Variants in ITPR2 observed in about 807,000 individuals in gnomAD.
The protein encoded by ITPR2 is inositol 1,4,5-trisphosphate-gated calcium channel ITPR2.
In ITPR2, 207 loss-of-function variants were observed where a neutral mutation model predicts 317.1. The observed-to-expected ratio is 0.65, with a 90% confidence interval of 0.58 to 0.73. The LOEUF (loss-of-function observed/expected upper bound fraction) is 0.73. Ranked by LOEUF, ITPR2 falls within the 30% of genes least tolerant of loss-of-function variation. ITPR2 has a pLI of 0.00. For missense variants in ITPR2, 2,613 were observed against 3,284.0 expected (o/e 0.80, Z 4.99); for synonymous variants, 1,156 against 1,149.1 (o/e 1.01, Z -0.12).
At chr12:26,732,586 G>A (rs1949044720) in intron 2 of ITPR2, among the ~76,000 whole-genome samples, 1 of 152,142 alleles carries the variant, frequency 6.6e-6, no homozygotes, top group Admixed American at 6.5e-5. Context: ...AGACTCTCAA[G>A]AGTTAGCCAG....
chr12:26,393,455 T>C (rs949957129), intron 54 of ITPR2, among the ~76,000 whole-genome samples: 1 of 152,228 alleles, frequency 6.6e-6, no homozygotes, highest in African/African-American at 2.4e-5. Context: ...CTTATGTGTT[T>C]CTGCTCAAGG....
At chr12:26,454,500 C>T (rs146230348) in intron 45 of ITPR2, among the ~76,000 whole-genome samples, 6 of 152,262 alleles carry the variant, frequency 3.9e-5, no homozygotes, top group South Asian at 2.1e-4. Context: ...GCCACCATGC[C>T]GGGCCAGAAA....
intron 2 of ITPR2, among the ~76,000 whole-genome samples, chr12:26,762,788 AAT>A (rs1264033349): frequency 6.6e-6 from 1 of 152,112 alleles, no homozygotes; most frequent in African/African-American, 2.4e-5. Context: ...ACAATATATA[AAT>A]ATATATAAAT....
chr12:26,476,980 T>C lies in ITPR2; in HGVS notation c.6151A>G (p.Ile2051Val), dbSNP rs934005376. 5 of 1,613,368 alleles carry C rather than the reference T, an allele frequency of 3.1e-6. No individual in the cohort carries two copies. The highest frequency in any genetic ancestry group is 2.2e-5 in the East Asian group (1 of 44,852). The change falls in exon 44 of 57, where the codon ATT (isoleucine) becomes GTT (valine). Residue 2051 changes from isoleucine to valine, a missense_variant. This residue lies in a region of ITPR2 where 926 missense variants were observed against 1,072.8 expected (regional missense o/e 0.86). Coordinates refer to ENST00000381340, the MANE Select transcript of ITPR2 (RefSeq NM_002223.4). ...KNNASKLLLA[I>V]MESRHDSENA... ...TCACTGTCATGTCTGCTTTCCATAA[T>C]GGCCAGCAAAAGTTTAGATGCATTG...
chr12:26,556,565 TTTGTG>T (rs1360836478), intron 35 of ITPR2, among the ~76,000 whole-genome samples, 190 bp from the exon 36 acceptor site: 11 of 105,300 alleles, frequency 1.0e-4, no homozygotes, highest in East Asian at 6.5e-4. Context: ...TATTTTTTTT[TTTGTG>T]TGTGTGTGTG....
intron 2 of ITPR2, among the ~76,000 whole-genome samples, chr12:26,768,876 A>C (rs551635283): frequency 6.6e-6 from 1 of 152,168 alleles, no homozygotes; most frequent in Non-Finnish European, 1.5e-5. Flanking sequence ...ATGCTAGTAA[A>C]AACCATTTTT....
chr12:26,705,756 G>A (rs1948539230), intron 9 of ITPR2, among the ~76,000 whole-genome samples: 1 of 152,016 alleles, frequency 6.6e-6, no homozygotes, highest in African/African-American at 2.4e-5. Flanking sequence ...ACACCTGACG[G>A]CTTACCACTG....
chr12:26,492,674 G>A (rs1942835377), intron 39 of ITPR2, among the ~76,000 whole-genome samples: 1 of 152,162 alleles, frequency 6.6e-6, no homozygotes, highest in Non-Finnish European at 1.5e-5. Flanking sequence ...TGAAGTCATA[G>A]ACGTAGACAG....
intron 2 of ITPR2, among the ~76,000 whole-genome samples, chr12:26,744,749 C>T (rs978455795): frequency 1.3e-5 from 2 of 152,160 alleles, no homozygotes; most frequent in Admixed American, 1.3e-4. Flanking sequence ...ACAGTCATAG[C>T]AGCCTGTAAT....
At chr12:26,449,079 C>G (rs1004705305) in intron 45 of ITPR2, among the ~76,000 whole-genome samples, 7 of 152,002 alleles carry the variant, frequency 4.6e-5, no homozygotes, top group African/African-American at 1.7e-4. Flanking sequence ...AAAAAAAAAT[C>G]AAGAAACTAT....
chr12:26,446,248 C>T (rs1358767649), intron 45 of ITPR2, among the ~76,000 whole-genome samples: 1 of 151,958 alleles, frequency 6.6e-6, no homozygotes, highest in African/African-American at 2.4e-5. Flanking sequence ...ATGTTATGGT[C>T]AAAGGGAGGC....
At chr12:26,771,498 T>C (rs1215358649) in intron 2 of ITPR2, among the ~76,000 whole-genome samples, 1 of 152,094 alleles carries the variant, frequency 6.6e-6, no homozygotes, top group Non-Finnish European at 1.5e-5. Flanking sequence ...TGTTTTTTGT[T>C]GTTGTTATTA....
intron 42 of ITPR2, among the ~76,000 whole-genome samples, chr12:26,482,342 A>C (rs1411968278): frequency 2.6e-5 from 4 of 152,192 alleles, no homozygotes; most frequent in African/African-American, 9.7e-5. Context: ...ATGTTATTTG[A>C]AAATTAGCTT....
chr12:26,381,871 T>C (rs1939519816), intron 55 of ITPR2, among the ~76,000 whole-genome samples: 1 of 152,212 alleles, frequency 6.6e-6, no homozygotes, highest in South Asian at 2.1e-4. Flanking sequence ...TACAGACCTC[T>C]GGTTTGGATC....
intron 1 of ITPR2, among the ~76,000 whole-genome samples, chr12:26,807,831 A>G (rs905856575): frequency 2.0e-5 from 3 of 152,158 alleles, no homozygotes; most frequent in African/African-American, 7.2e-5. Flanking sequence ...TATCAGTTAC[A>G]GTTTAGTCTT....
At chr12:26,602,132 G>T (rs1484862133) in intron 28 of ITPR2, among the ~76,000 whole-genome samples, 1 of 151,972 alleles carries the variant, frequency 6.6e-6, no homozygotes, top group African/African-American at 2.4e-5. Context: ...AGCGTGTAGG[G>T]ACTAGGTGGC....
At chr12:26,743,608 C>T (rs886176503) in intron 2 of ITPR2, among the ~76,000 whole-genome samples, 2 of 152,082 alleles carry the variant, frequency 1.3e-5, no homozygotes, top group African/African-American at 4.8e-5. Flanking sequence ...AACCTCATGT[C>T]CAGGCCAGGT....
chr12:26,661,296 G>A (rs1297102666), intron 15 of ITPR2, among the ~76,000 whole-genome samples: 1 of 83,824 alleles, frequency 1.2e-5, no homozygotes, highest in Non-Finnish European at 2.5e-5. Flanking sequence ...GGGTGGGAGG[G>A]AACGGGCACG....
At chr12:26,475,979 G>A (rs1448275297) in intron 44 of ITPR2, among the ~76,000 whole-genome samples, 2 of 152,164 alleles carry the variant, frequency 1.3e-5, no homozygotes, top group Non-Finnish European at 2.9e-5. Flanking sequence ...TGTTCACAGA[G>A]GAACTAGTAT....
Sources: allele counts gnomAD v4.1 joint callset (sites outside exome capture counted in the v4.1 genomes callset), GRCh38; gene constraint gnomAD v4.1.1; regional missense constraint gnomAD v4.1.1; transcripts MANE v1.5; gene names NCBI Gene and HGNC (gene_info 2026-07-23, HGNC 2026-07-21).